KRT77: variants seen among roughly 807,000 people sequenced by gnomAD.
The protein encoded by KRT77 is keratin, type II cytoskeletal 1b.
Under a neutral mutation model 51.5 loss-of-function variants are expected in KRT77, and 44 were observed. The ratio of observed to expected loss-of-function variants is 0.85; its 90% CI spans 0.67 to 1.10. KRT77 has a LOEUF of 1.10. KRT77 is among the 50% of genes least tolerant of loss of function. The pLI, the probability that KRT77 is intolerant of heterozygous loss-of-function variation, is 0.00. For missense variants in KRT77, 763 were observed against 743.9 expected, an observed-to-expected ratio of 1.03 and a Z score of -0.30; for synonymous variants, 293 against 302.0, an observed-to-expected ratio of 0.97 and a Z score of 0.31.
At chr12:52,696,483 C>T (rs1941796546) in intron 2 of KRT77, 53 bp from the exon 3 acceptor site, 1 of 1,437,510 alleles carries the variant, frequency 7.0e-7, no homozygotes, top group African/African-American at 1.4e-5. Context: ...CCTTGGCTCC[C>T]TGAGGTCCCT....
chr12:52,691,403 G>C lies in KRT77; in HGVS notation c.1499C>G (p.Ala500Gly). ...QNSQVSVNGG[A>G]GGGGSYGSGG... ...TGAGCCGTAGCTGCCGCCGCCTCCC[G>C]CGCCGCCGTTGACGCTCACCTGGCT... is the stretch of plus-strand genomic sequence containing the variant. The change falls in exon 9 of 9, where the codon GCG (alanine) becomes GGG (glycine). Residue 500 changes from alanine (A) to glycine (G), a missense_variant. Transcript: ENST00000341809. The C allele has an allele frequency of 6.3e-7, 1 of 1,598,966 alleles. No homozygotes were observed. The highest frequency in any genetic ancestry group is 8.5e-7 in the Non-Finnish European group (1 of 1,176,534).
chr12:52,703,407 C>T lies in KRT77; in HGVS notation c.28G>A (p.Ala10Thr), dbSNP rs17118224. The T allele has an allele frequency of 7.8e-3, 12,448 of 1,597,236 alleles. 405 individuals are homozygous for T. In the African/African-American group the frequency reaches 0.097, roughly 12 times the overall value. Residue 10 changes from alanine to threonine, a missense_variant, in exon 1 of 9, where the codon GCG (alanine) becomes ACG (threonine). Coordinates refer to ENST00000341809, the MANE Select transcript of KRT77 (RefSeq NM_175078.3). ...ACCCGCCTGCTCATTGAACTAAACG[C>T]GGACTGAGAACTAAATTGGTGGCTC... is the stretch of plus-strand genomic sequence containing the variant. MSHQFSSQS[A>T]FSSMSRRVYS...
chr12:52,692,521 C>T lies in KRT77; in HGVS notation c.1327G>A (p.Ala443Thr). Residue 443 changes from alanine to threonine, a missense_variant, in exon 7 of 9, where the codon GCC (alanine) becomes ACC (threonine). Ala to Thr is a moderately conservative substitution (Grantham distance 58). Coordinates refer to ENST00000341809, the MANE Select transcript of KRT77 (RefSeq NM_175078.3). ...EALQQSKEEL[A>T]RLLRDYQAML... is the part of the protein sequence containing the mutation. Reference sequence around the variant, plus strand: ...GCCTGGTAGTCACGCAGCAGCCGGGCCAGCTCCTCCTTGGACTGCTGCAGG... The same window carrying T: ...GCCTGGTAGTCACGCAGCAGCCGGGTCAGCTCCTCCTTGGACTGCTGCAGG... 6 of 1,614,046 alleles carry T rather than the reference C, an allele frequency of 3.7e-6. No homozygotes were observed. Among genetic ancestry groups the T allele is most frequent in the Non-Finnish European group, 5.1e-6 (6 of 1,179,988 alleles).
chr12:52,700,078 C>T (rs1941863542), intron 1 of KRT77, among the ~76,000 whole-genome samples: 1 of 152,188 alleles, frequency 6.6e-6, no homozygotes, highest in Admixed American at 6.5e-5. Flanking sequence ...TTTCTGAGGC[C>T]CTGTCCCCTT....
At chr12:52,701,865 C>T (rs1165189445) in intron 1 of KRT77, among the ~76,000 whole-genome samples, 2 of 152,190 alleles carry the variant, frequency 1.3e-5, no homozygotes, top group African/African-American at 2.4e-5. Context: ...GAGATACCCA[C>T]CACCAGGGCA....
chr12:52,695,487 T>C, intron 4 of KRT77: 1 of 338,840 alleles, frequency 3.0e-6, no homozygotes, highest in Non-Finnish European at 5.5e-6. Context: ...GCCCCTTATA[T>C]GTCTGGGTGA....
At chr12:52,698,819 C>A (rs1462093056) in intron 1 of KRT77, among the ~76,000 whole-genome samples, 1 of 152,232 alleles carries the variant, frequency 6.6e-6, no homozygotes, top group Non-Finnish European at 1.5e-5. Flanking sequence ...CAGGCGCACA[C>A]GCCCAAAAAC....
At chr12:52,698,893 TG>T (rs1300581773) in intron 1 of KRT77, among the ~76,000 whole-genome samples, 1 of 152,202 alleles carries the variant, frequency 6.6e-6, no homozygotes, top group Admixed American at 6.5e-5. Flanking sequence ...CCCACTGCTT[TG>T]TGTGGTCAGA....
Position 52,691,167 on chromosome 12 carries a change from A to G in KRT77, c.1735T>C (p.Ter579GlnextTer26). 1 of 1,613,846 alleles carries G rather than the reference A, an allele frequency of 6.2e-7. No individual in the cohort carries two copies. Among genetic ancestry groups the G allele is most frequent in the Non-Finnish European group, 8.5e-7 (1 of 1,179,932 alleles). ...TNTSHRRILE[*>Q] ...GATGTGTGGCAGAAACGAGGCCTCT[A>G]CTCCAAGATCCGCCTGTGGGAGGTG... Residue 579 changes from the stop codon to glutamine (Q), a stop_lost, in exon 9 of 9, where the codon TAG becomes CAG. Transcript: ENST00000341809.
chr12:52,696,523 A>G, intron 2 of KRT77, 93 bp from the exon 3 acceptor site: 2 of 1,040,054 alleles, frequency 1.9e-6, no homozygotes, highest in Admixed American at 1.8e-5. Flanking sequence ...GAATTCCCCA[A>G]ACATTTGCTG....
In KRT77 at chr12:52,689,897, T is replaced by C. The variant is rs1171985327; in HGVS notation, c.*1268A>G. On this transcript the variant is annotated 3_prime_UTR_variant, in exon 9 of 9. Transcript: ENST00000341809. ...TGCCCTCTCCAGCACATCTCAAGCCTCTTACATAAGATTCAAAATTAAGAG... is the reference window on the plus strand; with the variant it reads ...TGCCCTCTCCAGCACATCTCAAGCCCCTTACATAAGATTCAAAATTAAGAG... 1 of 152,200 alleles carries C rather than the reference T, an allele frequency of 6.6e-6. No homozygotes were observed. Among genetic ancestry groups the C allele is most frequent in the Non-Finnish European group, 1.5e-5 (1 of 68,064 alleles). 9.4% of individuals were successfully genotyped at this position (152,200 alleles called of 1,614,324 possible).
intron 1 of KRT77, among the ~76,000 whole-genome samples, chr12:52,699,447 T>C (rs1322395715): frequency 6.6e-6 from 1 of 152,240 alleles, no homozygotes; most frequent in East Asian, 1.9e-4. Context: ...AGGGAGTGCC[T>C]TAACCACTAG....
intron 8 of KRT77, 47 bp from the exon 9 acceptor site, chr12:52,691,486 G>A (rs1361136852): frequency 6.6e-7 from 1 of 1,507,058 alleles, no homozygotes; most frequent in Non-Finnish European, 8.8e-7. Flanking sequence ...ACCGGGCAAG[G>A]CCCCCACCTG....
Position 52,691,272 on chromosome 12 carries a change from C to A in KRT77, c.1630G>T (p.Gly544Cys), listed in dbSNP as rs1941701152. The A allele has an allele frequency of 6.3e-7, 1 of 1,598,272 alleles. No individual in the cohort carries two copies. The highest frequency in any genetic ancestry group is 1.3e-5 in the African/African-American group (1 of 74,672). ...CTCCCTCCGTAGCTCCCGCCACCGC[C>A]GCCGCAGCCGCTGCCATAACCGCCT... is the stretch of plus-strand genomic sequence containing the variant. ...SGGGYGSGCG[G>C]GGGSYGGSGR... is the part of the protein sequence containing the mutation. The change falls in exon 9 of 9, where the codon GGC becomes TGC. Residue 544 changes from glycine (G) to cysteine (C), a missense_variant. By Grantham distance (159) the Gly-to-Cys change is radical. Coordinates refer to ENST00000341809, the MANE Select transcript of KRT77 (RefSeq NM_175078.3).
rs1430716176 is a variant in KRT77, at chr12:52,692,477, C to G, written c.1371G>C (p.Leu457=). The G allele has an allele frequency of 6.2e-7, 1 of 1,614,154 alleles. No individual in the cohort carries two copies. The highest frequency in any genetic ancestry group is 1.3e-5 in the African/African-American group (1 of 75,042). ...RDYQAMLGVK[L]SLDVEIATYR... Reference sequence around the variant, plus strand: ...AGGTGGCGATCTCCACATCCAGGGACAGCTTGACCCCCAGCATGGCCTGGT... The same window carrying G: ...AGGTGGCGATCTCCACATCCAGGGAGAGCTTGACCCCCAGCATGGCCTGGT... Residue 457 remains leucine (L), a synonymous_variant, in exon 7 of 9, where the codon CTG becomes CTC. Transcript: ENST00000341809.
chr12:52,697,957 A>G, intron 1 of KRT77, 61 bp from the exon 2 acceptor site: 2 of 1,511,818 alleles, frequency 1.3e-6, no homozygotes, highest in Non-Finnish European at 9.2e-7. Context: ...CCCCATAAGT[A>G]GGAGCATCCA....
intron 2 of KRT77, chr12:52,696,764 T>C (rs1941799398): frequency 8.4e-6 from 2 of 237,680 alleles, no homozygotes; most frequent in African/African-American, 4.5e-5. Flanking sequence ...ACTGAGAACA[T>C]GAAATAACAA....
chr12:52,692,489 C>A lies in KRT77; in HGVS notation c.1359G>T (p.Leu453=). The change falls in exon 7 of 9, where the codon CTG becomes CTT. Residue 453 remains leucine, a synonymous_variant. Transcript: ENST00000341809. ...CCACATCCAGGGACAGCTTGACCCCCAGCATGGCCTGGTAGTCACGCAGCA... is the reference window on the plus strand; with the variant it reads ...CCACATCCAGGGACAGCTTGACCCCAAGCATGGCCTGGTAGTCACGCAGCA... ...ARLLRDYQAM[L]GVKLSLDVEI... is the part of the protein sequence containing the mutation. 6.2e-7 allele frequency: 1 copy of A among 1,614,118 alleles called. No homozygotes were observed. The highest frequency in any genetic ancestry group is 1.1e-5 in the South Asian group (1 of 91,078).
In KRT77 at chr12:52,694,588, CTG is replaced by C. The variant is rs1238754136; in HGVS notation, c.1080+36_1080+37del. ...AGAGAAAGACAATTCTGGGAAGAAT[CTG>C]TTTTTCTGGGCACCAGATCTGGGGG... On this transcript the variant is annotated intron_variant, in intron 5 of 8. Transcript: ENST00000341809. The C allele has an allele frequency of 2.6e-6, 4 of 1,543,198 alleles. No homozygotes were observed. The East Asian group carries it at 9.3e-5, about 36-fold the overall frequency.
Sources: allele counts gnomAD v4.1 joint callset (sites outside exome capture counted in the v4.1 genomes callset), GRCh38; gene constraint gnomAD v4.1.1; transcripts MANE v1.5; gene names NCBI Gene and HGNC (gene_info 2026-07-23, HGNC 2026-07-21).